The following FARSA variants were observed in gnomAD, a reference collection of about 807,000 sequenced individuals.
The protein encoded by FARSA is phenylalanyl-tRNA synthetase subunit alpha.
A neutral mutation model predicts 63.2 loss-of-function variants in FARSA; 37 were observed. That is an observed-to-expected ratio of 0.59 (90% CI 0.45 to 0.77). FARSA has a LOEUF of 0.77. FARSA is among the 30% of genes least tolerant of loss of function. The pLI is 0.00. For missense variants in FARSA, 618 were observed against 696.6 expected, an observed-to-expected ratio of 0.89 and a Z score of 1.27; for synonymous variants, 312 against 285.1, an observed-to-expected ratio of 1.09 and a Z score of -0.95.
At chr19:12,928,941 C>G (rs1971360768) in intron 4 of FARSA, 94 bp from the exon 5 acceptor site, 7 of 1,056,052 alleles carry the variant, frequency 6.6e-6, no homozygotes, top group Non-Finnish European at 1.0e-5. Flanking sequence ...TGCTACCTAC[C>G]AAGTCACTCT....
intron 7 of FARSA, 44 bp from the exon 8 acceptor site, chr19:12,925,218 C>T: frequency 6.7e-7 from 1 of 1,498,878 alleles, no homozygotes; most frequent in Non-Finnish European, 9.0e-7. Flanking sequence ...CGAGCATTTC[C>T]CACCCCTTTT....
chr19:12,931,244 G>A (rs543133491), intron 1 of FARSA, among the ~76,000 whole-genome samples: 64 of 152,122 alleles, frequency 4.2e-4, no homozygotes, highest in Middle Eastern at 6.8e-3. Context: ...GGCATGTGCC[G>A]CCACACCTGG....
At chr19:12,927,095 A>AT (rs1237202680) in intron 7 of FARSA, among the ~76,000 whole-genome samples, 13 of 152,232 alleles carry the variant, frequency 8.5e-5, no homozygotes, top group Admixed American at 8.5e-4. Context: ...GAAAGAAAGA[A>AT]ATGGGACAGA....
chr19:12,930,542 C>G lies in FARSA; in HGVS notation c.286-15G>C. Reference sequence around the variant, plus strand: ...CTGGGCAGTCGCTGGAAAAGAGAGGCTGCAGTGAGTGGGGCACGAGGGCCA... The same window carrying G: ...CTGGGCAGTCGCTGGAAAAGAGAGGGTGCAGTGAGTGGGGCACGAGGGCCA... On this transcript the variant is annotated splice_polypyrimidine_tract_variant and intron_variant, in intron 2 of 12. Transcript: ENST00000314606. 1 of 1,611,994 alleles carries G rather than the reference C, an allele frequency of 6.2e-7. No homozygotes were observed. Among genetic ancestry groups the G allele is most frequent in the Non-Finnish European group, 8.5e-7 (1 of 1,178,756 alleles).
chr19:12,933,640 G>C lies in FARSA; in HGVS notation c.57C>G (p.Gly19=). 3.8e-6 allele frequency: 6 copies of C among 1,562,910 alleles called. No individual in the cohort carries two copies. The South Asian group carries it at 7.0e-5, about 18-fold the overall frequency. Residue 19 remains glycine (G), a synonymous_variant, in exon 1 of 13, where the codon GGC becomes GGG. Coordinates refer to ENST00000314606, the MANE Select transcript of FARSA (RefSeq NM_004461.3). ...LLLRRLEASD[G]GLDSAELAAE... ...CCGCCAACTCGGCGCTGTCCAGGCC[G>C]CCATCAGACGCCTCCAGCCGCCGGA...
At position 12,928,539 on chromosome 19, in the gene FARSA, T is replaced by A; in HGVS notation, c.721A>T (p.Met241Leu). 1 of 1,613,858 alleles carries A rather than the reference T, an allele frequency of 6.2e-7. No individual in the cohort carries two copies. Among genetic ancestry groups the A allele is most frequent in the Non-Finnish European group, 8.5e-7 (1 of 1,179,914 alleles). Residue 241 changes from methionine (M) to leucine (L), a missense_variant, in exon 6 of 13, where the codon ATG becomes TTG. Met to Leu is a conservative substitution (Grantham distance 15). Coordinates refer to ENST00000314606, the MANE Select transcript of FARSA (RefSeq NM_004461.3). ...CGCCCCCAGCCCTGTGCTCACCCCA[T>A]CTCCAGGAAGATCTGTCGGAACTGG... is the stretch of plus-strand genomic sequence containing the variant. ...RSQFRQIFLE[M>L]GFTEMPTDNF... is the part of the protein sequence containing the mutation.
At chr19:12,933,452 ACTAGG>A in intron 1 of FARSA, 93 bp downstream of exon 1, 1 of 1,429,150 alleles carries the variant, frequency 7.0e-7, no homozygotes, top group Non-Finnish European at 9.4e-7. Context: ...GCTACCCCAA[ACTAGG>A]CCTGAGGGAA....
chr19:12,929,208 T>C (rs1321136879), intron 4 of FARSA, among the ~76,000 whole-genome samples: 6 of 152,158 alleles, frequency 3.9e-5, no homozygotes, highest in African/African-American at 1.4e-4. Flanking sequence ...TATTTGTTTG[T>C]TTGTTTTCCT....
intron 1 of FARSA, 34 bp from the exon 2 acceptor site, chr19:12,930,783 G>C (rs775173122): frequency 1.2e-6 from 2 of 1,601,032 alleles, no homozygotes; most frequent in South Asian, 2.2e-5. Flanking sequence ...GTCCAGGCAG[G>C]GGTGAGGCTC....
chr19:12,923,380 C>G (rs1971286651), intron 12 of FARSA, among the ~76,000 whole-genome samples: 1 of 152,196 alleles, frequency 6.6e-6, no homozygotes, highest in South Asian at 2.1e-4. Context: ...ACTGCAACCT[C>G]CGCCTCCCAG....
In FARSA at chr19:12,925,179, G is replaced by T; in HGVS notation, c.842-5C>A. ...GCTGCAGGGCCTCCGCTGGATCTGG[G>T]CAGGACAGAGCAACATCAGGTCAGT... On this transcript the variant is annotated splice_region_variant and splice_polypyrimidine_tract_variant and intron_variant, in intron 7 of 12. Coordinates refer to ENST00000314606, the MANE Select transcript of FARSA (RefSeq NM_004461.3). 6.3e-7 allele frequency: 1 copy of T among 1,577,430 alleles called. No homozygotes were observed. The highest frequency in any genetic ancestry group is 8.6e-7 in the Non-Finnish European group (1 of 1,162,552).
In FARSA at chr19:12,922,635, A is replaced by G. The variant is rs546977235; in HGVS notation, c.*113T>C. 2.3e-6 allele frequency: 3 copies of G among 1,325,886 alleles called. No homozygotes were observed. Among genetic ancestry groups the G allele is most frequent in the East Asian group, 4.6e-5 (2 of 43,060 alleles). 82.1% of individuals were successfully genotyped at this position (1,325,886 alleles called of 1,614,324 possible). ...GTCCTGGGACAGGTGGGAAAGAGGAAGGTGGGGGCTGGCCTCACAGAGGCC... is the reference window on the plus strand; with the variant it reads ...GTCCTGGGACAGGTGGGAAAGAGGAGGGTGGGGGCTGGCCTCACAGAGGCC... On this transcript the variant is annotated 3_prime_UTR_variant, in exon 13 of 13. Coordinates refer to ENST00000314606, the MANE Select transcript of FARSA (RefSeq NM_004461.3).
At chr19:12,925,232 T>C (rs1971313899) in intron 7 of FARSA, 58 bp from the exon 8 acceptor site, 1 of 1,435,076 alleles carries the variant, frequency 7.0e-7, no homozygotes, top group East Asian at 2.5e-5. Context: ...CCCTTTTTTT[T>C]TTTCAGACAG....
Position 12,933,634 on chromosome 19 carries a change from C to G in FARSA, c.63G>C (p.Leu21=). ...GCTCAGCCGCCAACTCGGCGCTGTC[C>G]AGGCCGCCATCAGACGCCTCCAGCC... ...LRRLEASDGG[L]DSAELAAELG... The change falls in exon 1 of 13, where the codon CTG becomes CTC. Residue 21 remains leucine, a synonymous_variant. Transcript: ENST00000314606. 6.4e-7 allele frequency: 1 copy of G among 1,562,252 alleles called. No homozygotes were observed.
chr19:12,924,106 T>TA lies in FARSA; in HGVS notation c.1388+44dup. 6.8e-7 allele frequency: 1 copy of TA among 1,477,438 alleles called. No homozygotes were observed. Among genetic ancestry groups the TA allele is most frequent in the East Asian group, 2.3e-5 (1 of 44,276 alleles). The allele number at this position is 1,477,438 out of a possible 1,614,324, so 91.5% of individuals were successfully genotyped here. On this transcript the variant is annotated intron_variant, in intron 12 of 12. Coordinates refer to ENST00000314606, the MANE Select transcript of FARSA (RefSeq NM_004461.3). The surrounding 1 kb of genome is among the most constrained non-coding windows in gnomAD (Gnocchi z 6.4). ...ACGCAGGCCCCTATACCTGGAGAGTTATTTGAGGCAGCTGGACACCCCGAG... is the reference window on the plus strand; with the variant it reads ...ACGCAGGCCCCTATACCTGGAGAGTTAATTTGAGGCAGCTGGACACCCCGAG...
At position 12,928,760 on chromosome 19, in the gene FARSA, G is replaced by A. The variant is rs1971357160; in HGVS notation, c.591C>T (p.Ile197=). The A allele has an allele frequency of 5.0e-6, 8 of 1,614,172 alleles. No homozygotes were observed. Among genetic ancestry groups the A allele is most frequent in the Non-Finnish European group, 6.8e-6 (8 of 1,180,032 alleles). ...KQETELSPEM[I]SSGSWRDRPF... is the part of the protein sequence containing the mutation. ...ACCCTGGGGTTGCCTGCTACCTGGA[G>A]ATCATCTCTGGGCTCAGCTCTGTCT... The change falls in exon 5 of 13, where the codon ATC becomes ATT. Residue 197 remains isoleucine (I), a synonymous_variant. Coordinates refer to ENST00000314606, the MANE Select transcript of FARSA (RefSeq NM_004461.3).
At chr19:12,932,879 G>C (rs1568446249) in intron 1 of FARSA, 1 of 152,424 alleles carries the variant, frequency 6.6e-6, no homozygotes, top group Non-Finnish European at 1.5e-5. Context: ...CCTTCCCATA[G>C]CCAGACATCA....
rs774296772 is a variant in FARSA at position 12,928,565 on chromosome 19, G to C, written c.695C>G (p.Ser232Cys). The change falls in exon 6 of 13, where the codon TCC (serine) becomes TGC (cysteine). Residue 232 changes from serine to cysteine, a missense_variant. Coordinates refer to ENST00000314606, the MANE Select transcript of FARSA (RefSeq NM_004461.3). The stretch of plus-strand genomic sequence containing the variant: ...CTCCAGGAAGATCTGTCGGAACTGG[G>C]AGCGGACCTTGAGCAGCGGGTGAAG... ...GHLHPLLKVR[S>C]QFRQIFLEMG... is the part of the protein sequence containing the mutation. 1.2e-6 allele frequency: 2 copies of C among 1,614,050 alleles called. No individual in the cohort carries two copies. The highest frequency in any genetic ancestry group is 2.2e-5 in the South Asian group (2 of 91,066).
chr19:12,923,469 T>C (rs533879362), intron 12 of FARSA, among the ~76,000 whole-genome samples: 2 of 152,222 alleles, frequency 1.3e-5, no homozygotes, highest in African/African-American at 4.8e-5. Context: ...GCCTGGCTAA[T>C]TTTTGTAGTT....
Sources: gnomAD v4.1 joint callset for allele counts (sites outside exome capture counted in the v4.1 genomes callset) on GRCh38, gnomAD v4.1.1 for gene constraint, Gnocchi (gnomAD v3.1) non-coding constraint, MANE v1.5 for transcripts, NCBI Gene and HGNC (gene_info 2026-07-23, HGNC 2026-07-21) for gene names.